TAB2: variants seen among roughly 807,000 people sequenced by gnomAD.
TAB2 encodes TGF-beta activated kinase 1 (MAP3K7) binding protein 2.
Under a neutral mutation model 65.0 loss-of-function variants are expected in TAB2, and 3 were observed. The observed-to-expected ratio is 0.05, with a 90% confidence interval of 0.02 to 0.12. The LOEUF (loss-of-function observed/expected upper bound fraction) is 0.12. Ranked by LOEUF, TAB2 falls within the 10% of genes least tolerant of loss-of-function variation. The pLI is 1.00. For missense variants in TAB2, 623 were observed against 840.3 expected, an observed-to-expected ratio of 0.74 and a Z score of 3.20; for synonymous variants, 298 against 285.1, an observed-to-expected ratio of 1.05 and a Z score of -0.46.
At chr6:149,357,430 A>AAAAAAACACACAAACACAC in intron 1 of TAB2, among the ~76,000 whole-genome samples, 1 of 111,146 alleles carries the variant, frequency 9.0e-6, no homozygotes, top group African/African-American at 3.4e-5. Context: ...AGAAAAAAAA[A>AAAAAAACACACAAACACAC]ACACACACAC....
upstream of TAB2, chr6:149,317,416 CA>C: frequency 3.2e-5 from 2 of 62,358 alleles, no homozygotes; most frequent in Non-Finnish European, 6.0e-5. The surrounding 1 kb of genome is among the most constrained non-coding windows in gnomAD (Gnocchi z 4.7). Context: ...GCCGCAGCCG[CA>C]GCCGCCGCCG....
intron 1 of TAB2, among the ~76,000 whole-genome samples, chr6:149,259,937 A>G (rs1778117991): frequency 6.6e-6 from 1 of 152,228 alleles, no homozygotes; most frequent in South Asian, 2.1e-4. Context: ...TCAAGAGTCA[A>G]ATAGATGCTG....
intron 6 of TAB2, chr6:149,400,322 G>A (rs1237207758): frequency 7.9e-6 from 12 of 1,528,198 alleles, no homozygotes; most frequent in South Asian, 3.7e-5. Flanking sequence ...CCTGCTGCTC[G>A]TGTACTCGTT....
At chr6:149,355,738 A>G (rs1239851485) in intron 1 of TAB2, among the ~76,000 whole-genome samples, 4 of 152,080 alleles carry the variant, frequency 2.6e-5, no homozygotes, top group Non-Finnish European at 5.9e-5. Context: ...TAAGAGAGAA[A>G]GGTACTGCTG....
chr6:149,339,589 AT>A (rs1462448974), intron 1 of TAB2, among the ~76,000 whole-genome samples: 1 of 31,442 alleles, frequency 3.2e-5, no homozygotes. Context: ...AATCTTTTTT[AT>A]TTATTTATTT....
At chr6:149,226,746 C>T (rs1777286659) in intron 1 of TAB2, among the ~76,000 whole-genome samples, 1 of 152,172 alleles carries the variant, frequency 6.6e-6, no homozygotes, top group Non-Finnish European at 1.5e-5. Context: ...TTGCATTTTC[C>T]TAATATCAAT....
intron 6 of TAB2, among the ~76,000 whole-genome samples, chr6:149,406,901 C>A (rs555391662): frequency 6.6e-6 from 1 of 151,852 alleles, no homozygotes; most frequent in African/African-American, 2.4e-5. Context: ...ATTTTTAGTA[C>A]AGACGGGGTT....
At chr6:149,222,053 C>T (rs1777159288) in intron 1 of TAB2, among the ~76,000 whole-genome samples, 1 of 152,114 alleles carries the variant, frequency 6.6e-6, no homozygotes, top group African/African-American at 2.4e-5. Context: ...TGTAGACGGC[C>T]CGAATGGAAC....
intron 1 of TAB2, among the ~76,000 whole-genome samples, chr6:149,294,319 T>A (rs1778836465): frequency 6.6e-6 from 1 of 152,214 alleles, no homozygotes; most frequent in African/African-American, 2.4e-5. Context: ...TATCTTCACA[T>A]GGTCTTCCCT....
At chr6:149,266,635 G>A (rs1259385930) in intron 1 of TAB2, among the ~76,000 whole-genome samples, 1 of 152,188 alleles carries the variant, frequency 6.6e-6, no homozygotes, top group African/African-American at 2.4e-5. Context: ...CTATCGCTAA[G>A]AACCTGGCCA....
At chr6:149,230,461 G>C (rs1183648369) in intron 1 of TAB2, among the ~76,000 whole-genome samples, 1 of 152,166 alleles carries the variant, frequency 6.6e-6, no homozygotes, top group African/African-American at 2.4e-5. Flanking sequence ...TCATCAGTGG[G>C]GCTTGAGTTC....
intron 1 of TAB2, among the ~76,000 whole-genome samples, chr6:149,357,203 G>A (rs1780680718): frequency 6.6e-6 from 1 of 152,000 alleles, no homozygotes; most frequent in South Asian, 2.1e-4. Flanking sequence ...AGATCACGAG[G>A]TCAGGAGTTC....
chr6:149,346,814 C>G (rs1205228948), intron 1 of TAB2, among the ~76,000 whole-genome samples: 1 of 152,016 alleles, frequency 6.6e-6, no homozygotes, highest in African/African-American at 2.4e-5. Flanking sequence ...AATATTTAAC[C>G]AACTTATTAA....
At position 149,411,569 on chromosome 6, in the gene TAB2, G is replaced by C. The variant is rs1040145626; in HGVS notation, c.*1850G>C. ...AGCTGGGTAAACTATCTTTGTAACA[G>C]ATAAGTTATTTATAAAAATTAAAAA... On this transcript the variant is annotated 3_prime_UTR_variant, in exon 7 of 7. Coordinates refer to ENST00000637181, the MANE Select transcript of TAB2 (RefSeq NM_001292034.3). 2.6e-5 allele frequency: 4 copies of C among 153,392 alleles called. No individual in the cohort carries two copies. Among genetic ancestry groups the C allele is most frequent in the Non-Finnish European group, 5.9e-5 (4 of 68,032 alleles). 9.5% of individuals were successfully genotyped at this position (153,392 alleles called of 1,614,324 possible). A position where few individuals can be genotyped will look rare whatever the true frequency, so the allele number is the denominator to read the frequency against.
intron 1 of TAB2, among the ~76,000 whole-genome samples, chr6:149,303,826 A>T (rs372308322): frequency 6.6e-6 from 1 of 152,226 alleles, no homozygotes; most frequent in Admixed American, 6.5e-5. Flanking sequence ...GCAATGGCAG[A>T]TGGAAAGGTA....
At chr6:149,362,634 C>G (rs1347710375) in intron 1 of TAB2, among the ~76,000 whole-genome samples, 2 of 145,920 alleles carry the variant, frequency 1.4e-5, no homozygotes, top group African/African-American at 2.5e-5. Flanking sequence ...TTTGTCTGGA[C>G]TTTGGAACAA....
chr6:149,337,629 T>G (rs1779974542), intron 1 of TAB2, among the ~76,000 whole-genome samples: 1 of 152,302 alleles, frequency 6.6e-6, no homozygotes, highest in Middle Eastern at 3.4e-3. Context: ...ATAAACTGTT[T>G]AAAAAAATAA....
At chr6:149,318,278 G>GC (rs547252932) in intron 1 of TAB2, among the ~76,000 whole-genome samples, 6 of 151,766 alleles carry the variant, frequency 4.0e-5, no homozygotes, top group Non-Finnish European at 7.4e-5. Flanking sequence ...CCGTGCGGGG[G>GC]GGGAGGGGGA....
intron 1 of TAB2, among the ~76,000 whole-genome samples, chr6:149,254,541 G>C (rs1221526180): frequency 6.6e-6 from 1 of 151,746 alleles, no homozygotes; most frequent in Non-Finnish European, 1.5e-5. Context: ...CAGGCATAAG[G>C]CTCATGGTCA....
Sources: gnomAD v4.1 joint callset for allele counts (sites outside exome capture counted in the v4.1 genomes callset) on GRCh38, gnomAD v4.1.1 for gene constraint, Gnocchi (gnomAD v3.1) non-coding constraint, MANE v1.5 for transcripts, NCBI Gene and HGNC (gene_info 2026-07-23, HGNC 2026-07-21) for gene names.